Variants in JAZF1 observed in about 807,000 individuals in gnomAD.
JAZF1 encodes the protein JAZF zinc finger 1, also known as juxtaposed with another zinc finger protein 1.
Under a neutral mutation model 26.4 loss-of-function variants are expected in JAZF1, and 8 were observed. The observed-to-expected ratio is 0.30, with a 90% CI of 0.18 to 0.55. JAZF1 has a LOEUF of 0.55. JAZF1 is among the 20% of genes least tolerant of loss of function. The pLI is 0.94. For synonymous variants in JAZF1, 126 were observed against 122.3 expected (o/e 1.03, Z -0.20); for missense variants, 199 against 322.0 (o/e 0.62, Z 2.92).
intron 1 of JAZF1, among the ~76,000 whole-genome samples, chr7:28,145,713 C>T (rs1240904711): frequency 7.0e-6 from 1 of 142,830 alleles, no homozygotes; most frequent in Non-Finnish European, 1.5e-5. Context: ...TAACCACCAC[C>T]ACAATAAAAA....
intron 1 of JAZF1, among the ~76,000 whole-genome samples, chr7:27,998,332 A>T (rs1485704901): frequency 6.6e-6 from 1 of 152,180 alleles, no homozygotes. Context: ...TAAAAGCCCC[A>T]TAGTTCTGTC....
At chr7:27,912,476 T>C (rs1019294308) in intron 2 of JAZF1, among the ~76,000 whole-genome samples, 1 of 152,170 alleles carries the variant, frequency 6.6e-6, no homozygotes. Flanking sequence ...CTCTGCATCC[T>C]ATCGAACGAT....
At chr7:28,120,501 C>CTTTTGTTTTTTT (rs1782582498) in intron 1 of JAZF1, among the ~76,000 whole-genome samples, 1 of 59,004 alleles carries the variant, frequency 1.7e-5, no homozygotes, top group Non-Finnish European at 2.8e-5. Flanking sequence ...ACACACAGTT[C>CTTTTGTTTTTTT]TTTTTTTTTT....
chr7:27,837,018 A>T (rs910767857), intron 4 of JAZF1, among the ~76,000 whole-genome samples: 1 of 152,124 alleles, frequency 6.6e-6, no homozygotes, highest in Non-Finnish European at 1.5e-5. Flanking sequence ...GCACTCCCTC[A>T]TCATTAAATG....
At chr7:27,994,840 C>T (rs1785981952) in intron 1 of JAZF1, among the ~76,000 whole-genome samples, 1 of 152,156 alleles carries the variant, frequency 6.6e-6, no homozygotes, top group Admixed American at 6.6e-5. Flanking sequence ...GAGCACTTCA[C>T]ATTCAGTAAA....
At chr7:28,040,209 TA>T (rs141722821) in intron 1 of JAZF1, among the ~76,000 whole-genome samples, 72 of 152,210 alleles carry the variant, frequency 4.7e-4, no homozygotes, top group Non-Finnish European at 8.7e-4. Context: ...TTTAAACACA[TA>T]AAAAAAATCT....
At chr7:27,977,768 T>C (rs998653120) in intron 2 of JAZF1, among the ~76,000 whole-genome samples, 1 of 152,200 alleles carries the variant, frequency 6.6e-6, no homozygotes, top group African/African-American at 2.4e-5. Context: ...GTTGTGCCGA[T>C]TCTGACCTCT....
At chr7:27,854,114 C>G (rs1417238641) in intron 3 of JAZF1, among the ~76,000 whole-genome samples, 2 of 152,192 alleles carry the variant, frequency 1.3e-5, no homozygotes, top group African/African-American at 4.8e-5. Context: ...GATCCCTTTA[C>G]CATTATGTAA....
intron 1 of JAZF1, among the ~76,000 whole-genome samples, chr7:28,156,446 C>T (rs915846000): frequency 6.6e-6 from 1 of 152,184 alleles, no homozygotes; most frequent in East Asian, 1.9e-4. Context: ...TTTCTGAGTA[C>T]AAGAGACTAT....
chr7:27,903,232 T>A (rs1784196119), intron 2 of JAZF1, among the ~76,000 whole-genome samples: 1 of 152,146 alleles, frequency 6.6e-6, no homozygotes, highest in East Asian at 1.9e-4. Context: ...TTATTTATTT[T>A]TTGGCTCACT....
At position 28,109,006 on chromosome 7, in the gene JAZF1, T is replaced by C. The variant is rs1009198108; in HGVS notation, c.115+71457A>G. On this transcript the variant is annotated intron_variant, in intron 1 of 4. Coordinates refer to ENST00000283928, the MANE Select transcript of JAZF1 (RefSeq NM_175061.4). ...GTGGGAACTAAGAAAGTCGAACTCA[T>C]AGAAACAGAGGGTAGAATTAGAATG... Among the ~76,000 whole-genome samples the C allele has an allele frequency of 2.6e-5, 4 of 152,272 alleles. No individual in the cohort carries two copies. The South Asian group carries it at 6.2e-4, about 24-fold the overall frequency.
intron 2 of JAZF1, among the ~76,000 whole-genome samples, chr7:27,950,637 T>C (rs1457768850): frequency 9.2e-5 from 14 of 152,220 alleles, no homozygotes; most frequent in Admixed American, 9.2e-4. Flanking sequence ...CTGGTACTTA[T>C]GAAACCATTC....
chr7:28,001,393 CA>C (rs199503856), intron 1 of JAZF1, among the ~76,000 whole-genome samples: 95 of 151,494 alleles, frequency 6.3e-4, no homozygotes, highest in South Asian at 3.1e-3. Flanking sequence ...AAAACCTAAA[CA>C]AAAAAAACCA....
intron 2 of JAZF1, among the ~76,000 whole-genome samples, chr7:27,986,923 C>T (rs192227359): frequency 3.4e-4 from 52 of 152,276 alleles, no homozygotes; most frequent in African/African-American, 8.7e-4. Context: ...TCCCGAGGTG[C>T]CAGGATTGCA....
At chr7:28,048,142 C>T (rs1164420809) in intron 1 of JAZF1, among the ~76,000 whole-genome samples, 2 of 152,070 alleles carry the variant, frequency 1.3e-5, no homozygotes, top group Non-Finnish European at 2.9e-5. Flanking sequence ...TCTGTGGTTC[C>T]TTTCTATTCA....
At chr7:28,086,631 T>C (rs1024255679) in intron 1 of JAZF1, among the ~76,000 whole-genome samples, 3 of 152,216 alleles carry the variant, frequency 2.0e-5, no homozygotes, top group African/African-American at 7.2e-5. Flanking sequence ...AATTGATGCA[T>C]GAAAGAAAGA....
intron 1 of JAZF1, among the ~76,000 whole-genome samples, chr7:28,075,388 T>C (rs1784035377): frequency 6.6e-6 from 1 of 152,154 alleles, no homozygotes; most frequent in South Asian, 2.1e-4. Context: ...AGCTAAACTA[T>C]CCCTAGAATA....
intron 1 of JAZF1, among the ~76,000 whole-genome samples, chr7:27,993,875 G>A (rs1260101452): frequency 6.6e-6 from 1 of 152,060 alleles, no homozygotes; most frequent in Non-Finnish European, 1.5e-5. Context: ...GAAAGAAAAG[G>A]GCACCGTTAG....
At chr7:27,924,283 G>T (rs1784578662) in intron 2 of JAZF1, among the ~76,000 whole-genome samples, 1 of 152,040 alleles carries the variant, frequency 6.6e-6, no homozygotes, top group African/African-American at 2.4e-5. Context: ...TCACCATCTT[G>T]GCCAGGCTGC....
Sources: gnomAD v4.1 joint callset for allele counts (sites outside exome capture counted in the v4.1 genomes callset) on GRCh38, gnomAD v4.1.1 for gene constraint, MANE v1.5 for transcripts, NCBI Gene and HGNC (gene_info 2026-07-23, HGNC 2026-07-21) for gene names.